The following TRIM77 variants were observed in gnomAD, a reference collection of about 807,000 sequenced individuals.
TRIM77 encodes the protein tripartite motif-containing protein 77.
TRIM77 carries 23 observed loss-of-function variants against 31.8 expected under a neutral mutation model. The ratio of observed to expected loss-of-function variants is 0.72; its 90% CI spans 0.52 to 1.02. TRIM77 has a LOEUF of 1.02. Ranked by LOEUF, TRIM77 falls within the 50% of genes least tolerant of loss-of-function variation. The pLI is 0.00. For missense variants in TRIM77, 446 were observed against 539.2 expected, an observed-to-expected ratio of 0.83 and a Z score of 1.71; for synonymous variants, 159 against 183.1, an observed-to-expected ratio of 0.87 and a Z score of 1.06.
At position 89,714,262 on chromosome 11, in the gene TRIM77, A is replaced by C; in HGVS notation, c.578A>C (p.Glu193Ala). The change falls in exon 3 of 6, where the codon GAA becomes GCA. Residue 193 changes from glutamate (E) to alanine (A), a missense_variant. Glu to Ala is a moderately radical substitution (Grantham distance 107, BLOSUM62 -1). Coordinates refer to ENST00000398290, the MANE Select transcript of TRIM77 (RefSeq NM_001146162.1). ...YPKVCQYLRE[E>A]EQKHVESLAR... ...AAGGTGTGTCAATACCTCCGTGAAG[A>C]AGAGCAAAAGCACGTAGAGAGCCTG... 1 of 1,551,756 alleles carries C rather than the reference A, an allele frequency of 6.4e-7. No homozygotes were observed. Among genetic ancestry groups the C allele is most frequent in the South Asian group, 1.2e-5 (1 of 84,058 alleles).
At chr11:89,713,010 A>T (rs767545573) in intron 2 of TRIM77, among the ~76,000 whole-genome samples, 9 of 152,292 alleles carry the variant, frequency 5.9e-5, no homozygotes, top group South Asian at 2.1e-4. Context: ...GCGATGGCTC[A>T]TGCCTGTAAT....
rs115595522 is a variant in TRIM77 at position 89,715,054 on chromosome 11, C to T, written c.739-104C>T. ...TTATCCAAAGAAGGAAAGTGGAAGACGTTAAGTTTTCCAATTCAGTCCATA... is the reference window on the plus strand; with the variant it reads ...TTATCCAAAGAAGGAAAGTGGAAGATGTTAAGTTTTCCAATTCAGTCCATA... On this transcript the variant is annotated intron_variant, in intron 3 of 5. Coordinates refer to ENST00000398290, the MANE Select transcript of TRIM77 (RefSeq NM_001146162.1). 1.9e-3 allele frequency: 2,025 copies of T among 1,081,196 alleles called. 30 individuals carry two copies. In the African/African-American group the frequency reaches 0.028, roughly 15 times the overall value. The allele number at this position is 1,081,196 out of a possible 1,614,324, so 67.0% of individuals were successfully genotyped here.
In TRIM77 at chr11:89,717,382, A is replaced by G. The variant is rs1949168799; in HGVS notation, c.863A>G (p.Tyr288Cys). The G allele has an allele frequency of 1.3e-6, 2 of 1,546,984 alleles. No homozygotes were observed. Among genetic ancestry groups the G allele is most frequent in the Non-Finnish European group, 1.7e-6 (2 of 1,144,614 alleles). The change falls in exon 6 of 6, where the codon TAT becomes TGT. Residue 288 changes from tyrosine (Y) to cysteine (C), a missense_variant. Physicochemically the swap from Tyr to Cys is radical, Grantham distance 194. Around this residue, in one of 3 missense-constraint regions of TRIM77, gnomAD observed 366 missense variants for 447.9 expected, o/e 0.82. Transcript: ENST00000398290. ...TCACTGTTTTCTTTTGCCATAGTGT[A>G]TATCACCTTGGATCGTAAGATATGC... The part of the protein sequence containing the change: ...VSERLNFFRV[Y>C]ITLDRKICSN...
chr11:89,715,220 A>G (rs891036885), intron 4 of TRIM77, 40 bp downstream of exon 4: 14 of 1,540,608 alleles, frequency 9.1e-6, no homozygotes, highest in African/African-American at 1.4e-5. Flanking sequence ...TAATTGTGAC[A>G]ATAATCAGGC....
Position 89,717,536 on chromosome 11 carries a change from C to T in TRIM77, c.1017C>T (p.Gly339=), listed in dbSNP as rs1949170319. 1.3e-6 allele frequency: 2 copies of T among 1,551,524 alleles called. No individual in the cohort carries two copies. ...SSWGAQILSS[G]KHYWEVDVKD... ...GGGGAGCTCAGATCCTCAGCTCTGG[C>T]AAACATTACTGGGAGGTGGATGTGA... Residue 339 remains glycine (G), a synonymous_variant, in exon 6 of 6, where the codon GGC becomes GGT. Transcript: ENST00000398290.
intron 2 of TRIM77, among the ~76,000 whole-genome samples, chr11:89,713,803 A>G (rs1195823442): frequency 6.6e-6 from 1 of 152,176 alleles, no homozygotes; most frequent in Non-Finnish European, 1.5e-5. Flanking sequence ...ATTTAGAAAG[A>G]TGCAGCAATG....
intron 2 of TRIM77, among the ~76,000 whole-genome samples, chr11:89,713,554 A>G (rs1949139305): frequency 6.6e-6 from 1 of 151,364 alleles, no homozygotes; most frequent in African/African-American, 2.4e-5. Context: ...TGACAGAAAG[A>G]CAGAGACAGA....
At position 89,716,882 on chromosome 11, in the gene TRIM77, G is replaced by A. The variant is rs867960665; in HGVS notation, c.860-497G>A. Among the ~76,000 whole-genome samples, 3 of 152,052 alleles carry A rather than the reference G, an allele frequency of 2.0e-5. No individual in the cohort carries two copies. In the South Asian group the frequency reaches 6.2e-4, roughly 32 times the overall value. On this transcript the variant is annotated intron_variant, in intron 5 of 5. Coordinates refer to ENST00000398290, the MANE Select transcript of TRIM77 (RefSeq NM_001146162.1). ...TTTGCGAAAATTGGTTAATAAGGAG[G>A]CTTAAATAAAGGCCCATTTTGATGT...
At position 89,710,593 on chromosome 11, in the gene TRIM77, A is replaced by G; in HGVS notation, c.295A>G (p.Ile99Val). Residue 99 changes from isoleucine to valine, a missense_variant, in exon 1 of 6, where the codon ATC (isoleucine) becomes GTC (valine). Physicochemically the swap from Ile to Val is conservative, Grantham distance 29. Around this residue, in one of 3 missense-constraint regions of TRIM77, gnomAD observed 366 missense variants for 447.9 expected, o/e 0.82. Coordinates refer to ENST00000398290, the MANE Select transcript of TRIM77 (RefSeq NM_001146162.1). ...GCTGATCTGTAGGAGACACCAGGAA[A>G]TCAAGAACCTCATCTGTGAAACTGA... ...AMLICRRHQE[I>V]KNLICETDRS... 6.4e-7 allele frequency: 1 copy of G among 1,551,634 alleles called. No individual in the cohort carries two copies. The highest frequency in any genetic ancestry group is 1.4e-5 in the African/African-American group (1 of 73,150).
chr11:89,710,841 A>G (rs1451957640), intron 1 of TRIM77, 132 bp downstream of exon 1: 32 of 783,330 alleles, frequency 4.1e-5, no homozygotes, highest in Non-Finnish European at 6.1e-5. Flanking sequence ...GCTTATGACC[A>G]TAAATTAGAC....
intron 3 of TRIM77, 49 bp downstream of exon 3, chr11:89,714,471 T>G (rs1055861453): frequency 1.6e-6 from 2 of 1,218,340 alleles, no homozygotes; most frequent in Middle Eastern, 1.9e-4. Flanking sequence ...TGCTTGGGAA[T>G]CGTATCTGCT....
chr11:89,714,302 G>A lies in TRIM77; in HGVS notation c.618G>A (p.Arg206=), dbSNP rs1591485094. 1 of 1,551,692 alleles carries A rather than the reference G, an allele frequency of 6.4e-7. No individual in the cohort carries two copies. The highest frequency in any genetic ancestry group is 2.4e-5 in the East Asian group (1 of 40,892). The change falls in exon 3 of 6, where the codon AGG becomes AGA. Residue 206 remains arginine (R), a synonymous_variant. Transcript: ENST00000398290. ...KHVESLAREG[R]IIFQQLKRSQ... ...TAGAGAGCCTGGCAAGAGAAGGCAG[G>A]ATAATTTTTCAGCAACTCAAGAGAA...
At chr11:89,715,017 T>A in intron 3 of TRIM77, 141 bp from the exon 4 acceptor site, 1 of 720,332 alleles carries the variant, frequency 1.4e-6, no homozygotes, top group South Asian at 2.7e-5. Context: ...AAAAAGAAAA[T>A]GAAAAATGCC....
intron 2 of TRIM77, 131 bp from the exon 3 acceptor site, chr11:89,714,061 G>A: frequency 1.6e-6 from 1 of 630,948 alleles, no homozygotes; most frequent in Non-Finnish European, 2.7e-6. Context: ...GATTTATACT[G>A]TATTTGAAGT....
chr11:89,711,375 T>C, intron 1 of TRIM77, 35 bp from the exon 2 acceptor site: 1 of 1,123,028 alleles, frequency 8.9e-7, no homozygotes. Flanking sequence ...TATATTTTCT[T>C]TTCTAGTGCT....
At position 89,714,288 on chromosome 11, in the gene TRIM77, G is replaced by C; in HGVS notation, c.604G>C (p.Ala202Pro). The C allele has an allele frequency of 1.9e-6, 3 of 1,551,628 alleles. No individual in the cohort carries two copies. In the African/African-American group the frequency reaches 4.1e-5, roughly 21 times the overall value. Residue 202 changes from alanine to proline, a missense_variant, in exon 3 of 6, where the codon GCA becomes CCA. Around this residue, in one of 3 missense-constraint regions of TRIM77, gnomAD observed 366 missense variants for 447.9 expected, o/e 0.82. Coordinates refer to ENST00000398290, the MANE Select transcript of TRIM77 (RefSeq NM_001146162.1). The stretch of plus-strand genomic sequence containing the variant: ...AGAGCAAAAGCACGTAGAGAGCCTG[G>C]CAAGAGAAGGCAGGATAATTTTTCA... ...EEEQKHVESLAREGRIIFQQL... is the reference protein window; with the variant it reads ...EEEQKHVESLPREGRIIFQQL...
chr11:89,715,747 T>C (rs372630833), intron 4 of TRIM77, 143 bp from the exon 5 acceptor site: 17 of 558,794 alleles, frequency 3.0e-5, no homozygotes, highest in Non-Finnish European at 5.1e-5. Context: ...TAAAATACAG[T>C]TACAATTGCA....
chr11:89,714,448 C>G, intron 3 of TRIM77, 26 bp downstream of exon 3: 1 of 1,426,736 alleles, frequency 7.0e-7, no homozygotes, highest in Non-Finnish European at 9.6e-7. Flanking sequence ...GATCAGGGTG[C>G]TGAACACCAC....
chr11:89,711,310 T>C (rs186892012), intron 1 of TRIM77, 100 bp from the exon 2 acceptor site: 224 of 595,916 alleles, frequency 3.8e-4, no homozygotes, highest in East Asian at 2.9e-3. Context: ...GTCTGCATTC[T>C]GCACTCTTTA....
Sources: allele counts gnomAD v4.1 joint callset (sites outside exome capture counted in the v4.1 genomes callset), GRCh38; gene constraint gnomAD v4.1.1; regional missense constraint gnomAD v4.1.1; transcripts MANE v1.5; gene names NCBI Gene and HGNC (gene_info 2026-07-23, HGNC 2026-07-21).